Variants in TECTA observed in about 807,000 individuals in gnomAD.
TECTA encodes alpha-tectorin.
TECTA carries 128 observed loss-of-function variants against 216.8 expected under a neutral mutation model. That is an observed-to-expected ratio of 0.59 (90% CI 0.51 to 0.68). The LOEUF is 0.68. TECTA is among the 30% of genes least tolerant of loss of function. TECTA has a pLI of 0.00. For synonymous variants in TECTA, 1,089 were observed against 1,117.1 expected (o/e 0.97, Z 0.50); for missense variants, 2,551 against 2,786.2 (o/e 0.92, Z 1.90).
chr11:121,109,875 C>T (rs940407435), intron 4 of TECTA: 11 of 259,452 alleles, frequency 4.2e-5, no homozygotes, highest in African/African-American at 1.1e-4. Context: ...TTCTCTTGCC[C>T]GAGGTACAAG....
intron 12 of TECTA, among the ~76,000 whole-genome samples, chr11:121,149,974 T>A (rs967847947): frequency 1.3e-5 from 2 of 152,222 alleles, no homozygotes. Context: ...GTGGTGTTTA[T>A]CATCTAGTTG....
chr11:121,145,353 G>A (rs1389755145), intron 11 of TECTA, among the ~76,000 whole-genome samples: 5 of 152,200 alleles, frequency 3.3e-5, no homozygotes, highest in Non-Finnish European at 7.3e-5. Flanking sequence ...AGGTATATTA[G>A]TGTACCAAGG....
intron 10 of TECTA, among the ~76,000 whole-genome samples, chr11:121,135,460 G>C (rs1024498442): frequency 1.3e-5 from 2 of 152,246 alleles, no homozygotes. Flanking sequence ...GTCAGTGTTA[G>C]AACATTCATA....
intron 16 of TECTA, among the ~76,000 whole-genome samples, chr11:121,163,156 C>A (rs182340236): frequency 6.6e-6 from 1 of 152,200 alleles, no homozygotes; most frequent in East Asian, 1.9e-4. Context: ...TAGGCTGACT[C>A]CAAGATGATA....
chr11:121,113,534 T>A lies in TECTA; in HGVS notation c.625-19T>A, dbSNP rs377018510. The A allele has an allele frequency of 1.4e-5, 22 of 1,613,920 alleles. No individual in the cohort carries two copies. The highest frequency in any genetic ancestry group is 3.3e-5 in the Admixed American group (2 of 59,988). ...GGAATTTTTGTACTCAAAAATCTTG[T>A]CTTCCTTTTGTGCTGCAGGCAGGAT... On this transcript the variant is annotated intron_variant, in intron 5 of 23. Coordinates refer to ENST00000392793, the MANE Select transcript of TECTA (RefSeq NM_005422.4). This position sits in a 1 kb window ranked among gnomAD's most constrained non-coding sequence, Gnocchi z 4.2.
intron 4 of TECTA, among the ~76,000 whole-genome samples, chr11:121,111,638 G>A (rs1453064846): frequency 6.6e-6 from 1 of 152,198 alleles, no homozygotes; most frequent in African/African-American, 2.4e-5. Context: ...TTCACTGTGG[G>A]AGAAGGAATT....
At chr11:121,114,078 C>G (rs558805419) in intron 6 of TECTA, among the ~76,000 whole-genome samples, 2 of 152,252 alleles carry the variant, frequency 1.3e-5, no homozygotes, top group African/African-American at 2.4e-5. Context: ...TCCCCCCGCC[C>G]TTTATGTTTT....
chr11:121,182,473 G>C (rs1179316487), intron 20 of TECTA, among the ~76,000 whole-genome samples: 1 of 152,188 alleles, frequency 6.6e-6, no homozygotes, highest in Non-Finnish European at 1.5e-5. Flanking sequence ...TGGTGGACAG[G>C]GTAGGGCAAT....
chr11:121,162,096 C>G lies in TECTA; in HGVS notation c.4998C>G (p.Asn1666Lys). 1 of 1,614,132 alleles carries G rather than the reference C, an allele frequency of 6.2e-7. No individual in the cohort carries two copies. The highest frequency in any genetic ancestry group is 1.1e-5 in the South Asian group (1 of 91,082). ...CCAGACCTCTTGCCCCCAGCTGCAA[C>G]GAGCTGCAGTTCTCACAGTATGCAG... is the stretch of plus-strand genomic sequence containing the variant. ...MQKRPLAPSC[N>K]ELQFSQYAAM... Residue 1666 changes from asparagine (N) to lysine (K), a missense_variant, in exon 16 of 24, where the codon AAC (asparagine) becomes AAG (lysine). Physicochemically the swap from Asn to Lys is moderately conservative, Grantham distance 94. Around this residue, in one of 3 missense-constraint regions of TECTA, gnomAD observed 2,375 missense variants for 2,563.9 expected, o/e 0.93. Coordinates refer to ENST00000392793, the MANE Select transcript of TECTA (RefSeq NM_005422.4).
chr11:121,128,433 T>A, intron 9 of TECTA, 89 bp downstream of exon 9: 1 of 1,289,570 alleles, frequency 7.8e-7, no homozygotes, highest in Non-Finnish European at 1.1e-6. Context: ...CCTTTCTGCC[T>A]CTGCCTATGA....
rs535375815 is a variant in TECTA at position 121,168,539 on chromosome 11, A to G, written c.5751-138A>G. On this transcript the variant is annotated intron_variant, in intron 19 of 23. Coordinates refer to ENST00000392793, the MANE Select transcript of TECTA (RefSeq NM_005422.4). Reference sequence around the variant, plus strand: ...AAATTGCCCCATGTGGCTAGCAGGTACTGTATTGGACAGCACAGCCTTAGA... The same window carrying G: ...AAATTGCCCCATGTGGCTAGCAGGTGCTGTATTGGACAGCACAGCCTTAGA... 50 of 1,242,510 alleles carry G rather than the reference A, an allele frequency of 4.0e-5. 1 individual carries two copies. In the South Asian group the frequency reaches 5.8e-4, roughly 14 times the overall value. The allele number at this position is 1,242,510 out of a possible 1,614,324, so 77.0% of individuals were successfully genotyped here. A position where few individuals can be genotyped will look rare whatever the true frequency, so the allele number is the denominator to read the frequency against.
At position 121,166,735 on chromosome 11, in the gene TECTA, C is replaced by T. The variant is rs1947057278; in HGVS notation, c.5541C>T (p.Ser1847=). The T allele has an allele frequency of 6.2e-7, 1 of 1,614,090 alleles. No homozygotes were observed. Among genetic ancestry groups the T allele is most frequent in the African/African-American group, 1.3e-5 (1 of 74,936 alleles). The change falls in exon 18 of 24, where the codon TCC becomes TCT. Residue 1847 remains serine (S), a synonymous_variant. Coordinates refer to ENST00000392793, the MANE Select transcript of TECTA (RefSeq NM_005422.4). ...CTGIEGEDFI[S]FQINNTKGNC... Reference sequence around the variant, plus strand: ...GCATCGAGGGGGAAGATTTTATCTCCTTTCAGATCAACAACACCAAAGGGA... The same window carrying T: ...GCATCGAGGGGGAAGATTTTATCTCTTTTCAGATCAACAACACCAAAGGGA...
chr11:121,163,007 A>T (rs1236869286), intron 16 of TECTA, among the ~76,000 whole-genome samples: 1 of 152,226 alleles, frequency 6.6e-6, no homozygotes, highest in African/African-American at 2.4e-5. Flanking sequence ...GTATACAAAC[A>T]CATATAAATG....
chr11:121,116,588 C>CT (rs1272807922), intron 6 of TECTA, among the ~76,000 whole-genome samples: 2 of 152,146 alleles, frequency 1.3e-5, no homozygotes, highest in African/African-American at 4.8e-5. Flanking sequence ...TTTCAATATC[C>CT]TTATATAGAC....
chr11:121,163,454 T>TG lies in TECTA; in HGVS notation c.5272+1090dup, dbSNP rs1235183024. Among the ~76,000 whole-genome samples, 438 of 53,762 alleles carry TG rather than the reference T, an allele frequency of 8.1e-3. 4 individuals carry two copies. Among genetic ancestry groups the TG allele is most frequent in the Middle Eastern group, 0.031 (2 of 64 alleles). The allele number at this position is 53,762 out of a possible 152,430, so 35.3% of individuals were successfully genotyped here. ...TCACACTCTGGGGACTGTTGTGGGG[T>TG]GGGGGGAGGGTGGAGGGATAGCATT... is the stretch of plus-strand genomic sequence containing the variant. On this transcript the variant is annotated intron_variant, in intron 16 of 23. Transcript: ENST00000392793.
rs535992848 is a variant in TECTA, at chr11:121,158,097, C to G, written c.4562C>G (p.Pro1521Arg). 6.2e-7 allele frequency: 1 copy of G among 1,614,202 alleles called. No individual in the cohort carries two copies. The highest frequency in any genetic ancestry group is 1.1e-5 in the South Asian group (1 of 91,088). The part of the protein sequence containing the change: ...FVLSTICQKL[P>R]DISFQLIINF... ...CTGTCCACCATCTGCCAGAAACTGC[C>G]CGACATCTCCTTCCAGCTTATCATC... The change falls in exon 14 of 24, where the codon CCC (proline) becomes CGC (arginine). Residue 1521 changes from proline to arginine, a missense_variant. Pro to Arg is a moderately radical substitution (Grantham distance 103, BLOSUM62 -2). This residue lies in a region of TECTA where 2,375 missense variants were observed against 2,563.9 expected (regional missense o/e 0.93). Coordinates refer to ENST00000392793, the MANE Select transcript of TECTA (RefSeq NM_005422.4).
At chr11:121,102,822 G>T in intron 2 of TECTA, 93 bp downstream of exon 2, 2 of 1,025,996 alleles carry the variant, frequency 1.9e-6, no homozygotes, top group Non-Finnish European at 3.1e-6. Flanking sequence ...GTAAGGGCAG[G>T]TGCATGTGTG....
intron 21 of TECTA, 58 bp from the exon 22 acceptor site, chr11:121,189,022 A>G (rs1947314917): frequency 6.4e-7 from 1 of 1,570,224 alleles, no homozygotes; most frequent in African/African-American, 1.4e-5. Flanking sequence ...AAACATGGTG[A>G]AGAATAAGTT....
intron 7 of TECTA, among the ~76,000 whole-genome samples, chr11:121,120,805 G>A (rs1461793227): frequency 1.8e-4 from 27 of 152,250 alleles, no homozygotes; most frequent in Non-Finnish European, 1.5e-5. Context: ...GTGAACACGA[G>A]TAGTTTAGGG....
Sources: gnomAD v4.1 joint callset for allele counts (sites outside exome capture counted in the v4.1 genomes callset) on GRCh38, gnomAD v4.1.1 for gene constraint, gnomAD v4.1.1 regional missense constraint, Gnocchi (gnomAD v3.1) non-coding constraint, MANE v1.5 for transcripts, NCBI Gene and HGNC (gene_info 2026-07-23, HGNC 2026-07-21) for gene names.